Variants in DRICH1 observed in about 807,000 individuals in gnomAD.
DRICH1 encodes aspartate-rich protein 1.
DRICH1 carries 38 observed loss-of-function variants against 39.5 expected under a neutral mutation model. The ratio of observed to expected loss-of-function variants is 0.96; its 90% confidence interval spans 0.74 to 1.26. The LOEUF is 1.26. Among genes scored for constraint, DRICH1 ranks in the 50% most tolerant of loss-of-function variants. The pLI is 0.00. For synonymous variants in DRICH1, 84 were observed against 99.5 expected, an observed-to-expected ratio of 0.84 and a Z score of 0.93; for missense variants, 279 against 270.4, an observed-to-expected ratio of 1.03 and a Z score of -0.22.
At chr22:23,626,196 G>A (rs1330122852) in intron 1 of DRICH1, 148 bp from the exon 2 acceptor site, 4 of 617,088 alleles carry the variant, frequency 6.5e-6, no homozygotes, top group Non-Finnish European at 1.2e-5. Context: ...TAGTGAGCAT[G>A]AGGGAGTCTC....
chr22:23,623,962 GGTTGTGCTTCTCTCTC>G (rs1927915957), intron 3 of DRICH1: 1 of 615,404 alleles, frequency 1.6e-6, no homozygotes, highest in Non-Finnish European at 1.9e-6. Context: ...GTGTGCTCAA[GGTTGTGCTTCTCTCTC>G]AACAGAATGC....
chr22:23,626,168 G>T, intron 1 of DRICH1, 120 bp from the exon 2 acceptor site: 1 of 689,752 alleles, frequency 1.4e-6, no homozygotes, highest in Non-Finnish European at 2.6e-6. Context: ...CCATCTCAGA[G>T]AAACAACTGT....
chr22:23,619,322 A>C (rs567883317), intron 6 of DRICH1, 42 bp downstream of exon 6: 1 of 779,876 alleles, frequency 1.3e-6, no homozygotes. Flanking sequence ...AAGACTCAGC[A>C]TGACTAACAC....
At chr22:23,616,756 C>A (rs1255733427) in intron 8 of DRICH1, 97 bp downstream of exon 8, 4 of 1,484,324 alleles carry the variant, frequency 2.7e-6, no homozygotes, top group African/African-American at 1.4e-5. Flanking sequence ...TCTCACCACA[C>A]CCCCAATATT....
At chr22:23,624,004 G>A in intron 3 of DRICH1, 1 of 946,884 alleles carries the variant, frequency 1.1e-6, no homozygotes, top group Non-Finnish European at 1.2e-6. Context: ...GTGTGCTCAA[G>A]GTTGTGCTTC....
At chr22:23,627,972 G>A (rs1016714143) in intron 1 of DRICH1, among the ~76,000 whole-genome samples, 1 of 152,208 alleles carries the variant, frequency 6.6e-6, no homozygotes, top group Admixed American at 6.5e-5. Context: ...GGACTAATGA[G>A]GAAGACACAG....
In DRICH1 at chr22:23,608,651, T is replaced by C; in HGVS notation, c.*113A>G. ...TTTTTCTCTCTGCTGGGACCAAGAG[T>C]TTTCCTCAGAATGTAGAGAGGATTG... On this transcript the variant is annotated 3_prime_UTR_variant, in exon 12 of 12. Transcript: ENST00000317749. The C allele has an allele frequency of 9.1e-7, 1 of 1,094,634 alleles. No individual in the cohort carries two copies. Among genetic ancestry groups the C allele is most frequent in the Non-Finnish European group, 1.4e-6 (1 of 737,152 alleles). The allele number at this position is 1,094,634 out of a possible 1,614,324, so 67.8% of individuals were successfully genotyped here.
chr22:23,607,533 G>A (rs1038796446), downstream of DRICH1, among the ~76,000 whole-genome samples: 1 of 64,276 alleles, frequency 1.6e-5, no homozygotes, highest in East Asian at 5.8e-4. Flanking sequence ...TCTTGCTGGC[G>A]GGGGCGGGGG....
Position 23,614,453 on chromosome 22 carries a change from CCAAATGTAAG to C in DRICH1, c.542-249_542-240del, listed in dbSNP as rs1927233594. The stretch of plus-strand genomic sequence containing the variant: ...AGGAAGCAACACAAAACAATCACCC[CCAAATGTAAG>C]TAAAATGCACACTAAGGGTCAGTGG... On this transcript the variant is annotated intron_variant, in intron 8 of 11. Coordinates refer to ENST00000317749, the MANE Select transcript of DRICH1 (RefSeq NM_016449.4). 2.0e-5 allele frequency among the ~76,000 whole-genome samples: 3 copies of C among 152,290 alleles called. No homozygotes were observed. The South Asian group carries it at 6.2e-4, about 32-fold the overall frequency.
At chr22:23,594,831 G>A in the DRICH1 span, among the ~76,000 whole-genome samples, 1 of 151,860 alleles carries the variant, frequency 6.6e-6, no homozygotes, top group South Asian at 2.1e-4. Context: ...TCAGAGGGCT[G>A]TGGTTTCAGG....
At chr22:23,618,047 TA>T (rs1190743627) in intron 6 of DRICH1, among the ~76,000 whole-genome samples, 3 of 152,154 alleles carry the variant, frequency 2.0e-5, no homozygotes, top group African/African-American at 7.2e-5. Flanking sequence ...AAGGATTAAT[TA>T]CTTAATTTAT....
the DRICH1 span, among the ~76,000 whole-genome samples, chr22:23,599,671 C>T: frequency 1.3e-5 from 2 of 152,196 alleles, no homozygotes; most frequent in Non-Finnish European, 2.9e-5. Context: ...TTTGCTCACA[C>T]CCATCTTCCA....
chr22:23,599,425 C>T, the DRICH1 span, among the ~76,000 whole-genome samples: 4 of 152,228 alleles, frequency 2.6e-5, no homozygotes, highest in African/African-American at 9.6e-5. Context: ...CCATTCAGGG[C>T]CCAGACCTGC....
chr22:23,627,725 G>A (rs998265533), intron 1 of DRICH1, among the ~76,000 whole-genome samples: 4 of 152,132 alleles, frequency 2.6e-5, no homozygotes, highest in African/African-American at 9.7e-5. Context: ...CCAAGGGGCA[G>A]GGGCACCTCA....
chr22:23,605,319 C>T (rs1322542730), downstream of DRICH1, among the ~76,000 whole-genome samples: 1 of 152,156 alleles, frequency 6.6e-6, no homozygotes, highest in South Asian at 2.1e-4. Context: ...CTCCCCAGGG[C>T]CTTTCCCTCA....
chr22:23,587,796 G>C, the DRICH1 span, among the ~76,000 whole-genome samples: 1 of 152,186 alleles, frequency 6.6e-6, no homozygotes, highest in African/African-American at 2.4e-5. Flanking sequence ...AAAAACTTGA[G>C]CCAGGCCCCT....
chr22:23,591,140 G>A, the DRICH1 span, among the ~76,000 whole-genome samples: 1 of 152,128 alleles, frequency 6.6e-6, no homozygotes, highest in Non-Finnish European at 1.5e-5. Context: ...ACATCTATAG[G>A]CATCCCACAG....
At chr22:23,625,903 T>C in intron 2 of DRICH1, 78 bp downstream of exon 2, 1 of 1,158,492 alleles carries the variant, frequency 8.6e-7, no homozygotes, top group African/African-American at 1.5e-5. Context: ...AGTCCATTCT[T>C]TGGGTTTAGA....
intron 8 of DRICH1, among the ~76,000 whole-genome samples, chr22:23,616,619 G>A (rs181162550): frequency 1.6e-3 from 250 of 152,244 alleles, no homozygotes; most frequent in African/African-American, 5.7e-3. Flanking sequence ...GTCAGTGAGA[G>A]GTGCACTCAC....
Sources: gnomAD v4.1 joint callset for allele counts (sites outside exome capture counted in the v4.1 genomes callset) on GRCh38, gnomAD v4.1.1 for gene constraint, MANE v1.5 for transcripts, NCBI Gene and HGNC (gene_info 2026-07-23, HGNC 2026-07-21) for gene names.